RNGTT: variants seen among roughly 807,000 people sequenced by gnomAD.
RNGTT encodes the protein RNA guanylyltransferase and 5'-phosphatase, also known as mRNA-capping enzyme.
In RNGTT, 33 loss-of-function variants were observed where a neutral mutation model predicts 79.3. That is an observed-to-expected ratio of 0.42 (90% confidence interval 0.32 to 0.56). RNGTT has a LOEUF of 0.56. Among genes scored for constraint, RNGTT ranks in the 20% least tolerant of loss-of-function variants. The pLI is 0.17. For synonymous variants in RNGTT, 222 were observed against 235.9 expected (o/e 0.94, Z 0.54); for missense variants, 497 against 739.1 (o/e 0.67, Z 3.80).
intron 11 of RNGTT, among the ~76,000 whole-genome samples, chr6:88,826,987 T>C (rs906078105): frequency 4.0e-5 from 6 of 151,756 alleles, no homozygotes; most frequent in Non-Finnish European, 7.4e-5. Flanking sequence ...ATTATTTAAC[T>C]GCCATATTTC....
At chr6:88,805,709 G>C (rs1350663807) in intron 11 of RNGTT, among the ~76,000 whole-genome samples, 1 of 152,030 alleles carries the variant, frequency 6.6e-6, no homozygotes, top group African/African-American at 2.4e-5. Context: ...GGCTGGAGAA[G>C]AAAAACTAAG....
intron 13 of RNGTT, among the ~76,000 whole-genome samples, chr6:88,716,572 G>T (rs1013271170): frequency 1.3e-5 from 2 of 152,146 alleles, no homozygotes; most frequent in Non-Finnish European, 2.9e-5. Flanking sequence ...CAAGCCAAAA[G>T]TCCAACAATG....
At chr6:88,615,088 G>A (rs779859779) in intron 14 of RNGTT, among the ~76,000 whole-genome samples, 6 of 152,086 alleles carry the variant, frequency 3.9e-5, no homozygotes, top group Non-Finnish European at 7.4e-5. Context: ...TGGTAACTAC[G>A]AACCTTTTAA....
At position 88,697,886 on chromosome 6, in the gene RNGTT, T is replaced by TACATACATAC. The variant is rs551145816; in HGVS notation, c.1440-19468_1440-19467insGTATGTATGT. ...ACCCTGTCTTGGAAAAAAATATATATATGATATATATATATGATATATATA... is the reference window on the plus strand; with the variant it reads ...ACCCTGTCTTGGAAAAAAATATATATACATACATACATGATATATATATATGATATATATA... On this transcript the variant is annotated intron_variant, in intron 13 of 15. Coordinates refer to ENST00000369485, the MANE Select transcript of RNGTT (RefSeq NM_003800.5). Among the ~76,000 whole-genome samples the TACATACATAC allele has an allele frequency of 3.7e-4, 38 of 101,876 alleles. 2 individuals are homozygous for TACATACATAC. The highest frequency in any genetic ancestry group is 2.5e-3 in the African/African-American group (32 of 12,968). The allele number at this position is 101,876 out of a possible 152,430, so 66.8% of individuals were successfully genotyped here.
chr6:88,863,825 A>T (rs1460297093), intron 8 of RNGTT, among the ~76,000 whole-genome samples: 1 of 152,162 alleles, frequency 6.6e-6, no homozygotes, highest in Non-Finnish European at 1.5e-5. Flanking sequence ...TGACTGCTAT[A>T]ATTATGGGCT....
At chr6:88,630,515 C>T (rs1386680906) in intron 14 of RNGTT, among the ~76,000 whole-genome samples, 1 of 152,188 alleles carries the variant, frequency 6.6e-6, no homozygotes, top group African/African-American at 2.4e-5. Flanking sequence ...TTTTAACTAT[C>T]ACACAGCCTG....
intron 13 of RNGTT, among the ~76,000 whole-genome samples, chr6:88,724,158 T>A (rs1299616696): frequency 6.6e-6 from 1 of 152,148 alleles, no homozygotes; most frequent in South Asian, 2.1e-4. Context: ...TTAAATAAAT[T>A]TAGTGTAGCC....
chr6:88,778,172 A>C (rs1778952577), intron 12 of RNGTT, among the ~76,000 whole-genome samples: 1 of 152,216 alleles, frequency 6.6e-6, no homozygotes, highest in African/African-American at 2.4e-5. Context: ...TTCTGAGTAC[A>C]AAGTAAAAAA....
At chr6:88,677,106 A>G (rs1371751137) in intron 14 of RNGTT, among the ~76,000 whole-genome samples, 4 of 152,206 alleles carry the variant, frequency 2.6e-5, no homozygotes, top group African/African-American at 9.6e-5. Flanking sequence ...AACAAAAAAT[A>G]ATAAACTAGC....
At chr6:88,900,903 A>G (rs987107571) in intron 6 of RNGTT, among the ~76,000 whole-genome samples, 11 of 151,992 alleles carry the variant, frequency 7.2e-5, no homozygotes, top group African/African-American at 2.7e-4. Flanking sequence ...GCTCTCTGGT[A>G]GGCAGAGGCA....
At chr6:88,660,400 T>C (rs72921576) in intron 14 of RNGTT, among the ~76,000 whole-genome samples, 1,983 of 152,234 alleles carry the variant, frequency 0.013, 18 homozygotes, top group Middle Eastern at 0.027. Flanking sequence ...ATCCTATCTG[T>C]TGTCTTCAAG....
chr6:88,628,296 C>T (rs1582250931), intron 14 of RNGTT, among the ~76,000 whole-genome samples: 1 of 152,172 alleles, frequency 6.6e-6, no homozygotes, highest in East Asian at 1.9e-4. Context: ...TCCCCTAAAA[C>T]CCAAAAACAC....
chr6:88,873,608 C>A (rs1036650149), intron 8 of RNGTT, among the ~76,000 whole-genome samples: 1 of 152,064 alleles, frequency 6.6e-6, no homozygotes, highest in Non-Finnish European at 1.5e-5. Context: ...AAAGCATACA[C>A]ACCAAAATGT....
At chr6:88,676,921 A>G (rs1010475801) in intron 14 of RNGTT, among the ~76,000 whole-genome samples, 1 of 152,194 alleles carries the variant, frequency 6.6e-6, no homozygotes, top group Non-Finnish European at 1.5e-5. Context: ...AAAGGAAAGC[A>G]TAAGTCTATG....
chr6:88,719,476 A>G (rs557239512), intron 13 of RNGTT, among the ~76,000 whole-genome samples: 5 of 152,306 alleles, frequency 3.3e-5, no homozygotes, highest in African/African-American at 9.6e-5. Flanking sequence ...GCTTCTTCCA[A>G]CTTGATTACA....
intron 12 of RNGTT, among the ~76,000 whole-genome samples, chr6:88,794,688 A>C (rs1291061376): frequency 6.6e-6 from 1 of 152,228 alleles, no homozygotes; most frequent in Non-Finnish European, 1.5e-5. Context: ...AGAGCTTGTG[A>C]GGGGTAGCTA....
intron 14 of RNGTT, among the ~76,000 whole-genome samples, chr6:88,665,969 G>A (rs1774392099): frequency 6.6e-6 from 1 of 152,234 alleles, no homozygotes; most frequent in South Asian, 2.1e-4. Context: ...CAGCGGGAGT[G>A]CAGCCTAGGA....
chr6:88,693,023 A>G (rs547025686), intron 13 of RNGTT, among the ~76,000 whole-genome samples: 26 of 152,126 alleles, frequency 1.7e-4, no homozygotes, highest in Admixed American at 6.5e-5. Flanking sequence ...AATAAACACA[A>G]TAAACACCTA....
chr6:88,900,198 A>T (rs1783402300), intron 6 of RNGTT, among the ~76,000 whole-genome samples: 2 of 152,098 alleles, frequency 1.3e-5, no homozygotes. Context: ...TTAAAAAAAG[A>T]TCCACAGGAG....
Sources: gnomAD v4.1 joint callset for allele counts (sites outside exome capture counted in the v4.1 genomes callset) on GRCh38, gnomAD v4.1.1 for gene constraint, MANE v1.5 for transcripts, NCBI Gene and HGNC (gene_info 2026-07-23, HGNC 2026-07-21) for gene names.